The following PDE4D variants were observed in gnomAD, a reference collection of about 807,000 sequenced individuals.
PDE4D encodes phosphodiesterase 4D.
A neutral mutation model predicts 87.4 loss-of-function variants in PDE4D; 24 were observed. That is an observed-to-expected ratio of 0.27 (90% CI 0.20 to 0.39). The LOEUF (loss-of-function observed/expected upper bound fraction) is 0.39, where lower values mean the gene tolerates loss of function less well. Among genes scored for constraint, PDE4D ranks in the 10% least tolerant of loss-of-function variants. PDE4D has a pLI of 1.00. For missense variants in PDE4D, 714 were observed against 1,041.0 expected, an observed-to-expected ratio of 0.69 and a Z score of 4.32; for synonymous variants, 384 against 383.2, an observed-to-expected ratio of 1.00 and a Z score of -0.02.
intron 1 of PDE4D, among the ~76,000 whole-genome samples, chr5:59,798,496 G>A (rs1049624962): frequency 1.3e-5 from 2 of 152,032 alleles, no homozygotes; most frequent in African/African-American, 4.8e-5. Context: ...CAGGAGAGAC[G>A]TAAAGCACTA....
chr5:59,588,585 G>A (rs1042254405), intron 1 of PDE4D, among the ~76,000 whole-genome samples: 1 of 152,134 alleles, frequency 6.6e-6, no homozygotes, highest in Non-Finnish European at 1.5e-5. Flanking sequence ...AGATTGGGTG[G>A]AGGGCATGTC....
intron 1 of PDE4D, among the ~76,000 whole-genome samples, chr5:60,281,813 C>G (rs1262781212): frequency 6.6e-6 from 1 of 151,984 alleles, no homozygotes; most frequent in African/African-American, 2.4e-5. Flanking sequence ...CTGAGGCAGG[C>G]AGATGGCTTG....
At chr5:60,368,250 C>A (rs1243506594) in intron 1 of PDE4D, among the ~76,000 whole-genome samples, 2 of 152,210 alleles carry the variant, frequency 1.3e-5, no homozygotes, top group African/African-American at 4.8e-5. Flanking sequence ...AACGATGTGG[C>A]TTCACATTCC....
At chr5:59,038,255 GC>G (rs1353173256) in intron 6 of PDE4D, among the ~76,000 whole-genome samples, 3 of 152,150 alleles carry the variant, frequency 2.0e-5, no homozygotes, top group Non-Finnish European at 4.4e-5. Context: ...CCTAGTTGAA[GC>G]CTCCTTGTAC....
chr5:59,724,106 T>G (rs1013304162), intron 1 of PDE4D, among the ~76,000 whole-genome samples: 1 of 152,098 alleles, frequency 6.6e-6, no homozygotes, highest in Admixed American at 6.6e-5. Flanking sequence ...TAGGACCTAT[T>G]TGAAGACTCT....
chr5:60,516,232 A>G (rs1315944420), intron 1 of PDE4D, among the ~76,000 whole-genome samples: 1 of 152,250 alleles, frequency 6.6e-6, no homozygotes, highest in Non-Finnish European at 1.5e-5. Flanking sequence ...TGAGAACAAC[A>G]ATGTAATGAA....
intron 1 of PDE4D, among the ~76,000 whole-genome samples, chr5:59,291,617 G>A (rs915789914): frequency 6.6e-6 from 1 of 151,810 alleles, no homozygotes; most frequent in Non-Finnish European, 1.5e-5. Context: ...AAATGCTTGA[G>A]GTGATGCATA....
At chr5:59,767,307 GATGTA>G (rs957930321) in intron 1 of PDE4D, among the ~76,000 whole-genome samples, 11 of 151,932 alleles carry the variant, frequency 7.2e-5, no homozygotes, top group African/African-American at 2.2e-4. Flanking sequence ...TCAAAATGTA[GATGTA>G]ATGTATAGAA....
chr5:59,550,021 T>C, intron 1 of PDE4D, among the ~76,000 whole-genome samples: 1 of 151,868 alleles, frequency 6.6e-6, no homozygotes, highest in East Asian at 1.9e-4. Flanking sequence ...TTGCTAGGGG[T>C]AATCTATGTG....
At chr5:59,252,085 C>G (rs1267226452) in intron 1 of PDE4D, among the ~76,000 whole-genome samples, 1 of 151,960 alleles carries the variant, frequency 6.6e-6, no homozygotes, top group African/African-American at 2.4e-5. Flanking sequence ...GGGCTTAATA[C>G]CCGGGTGATG....
At chr5:60,333,713 G>A (rs1757500834) in intron 1 of PDE4D, among the ~76,000 whole-genome samples, 1 of 152,146 alleles carries the variant, frequency 6.6e-6, no homozygotes, top group Admixed American at 6.5e-5. Flanking sequence ...CATGCATTAT[G>A]TGTGAGCTGC....
chr5:59,915,584 CCTTT>C (rs1488991055), intron 3 of PDE4D, among the ~76,000 whole-genome samples: 1 of 152,112 alleles, frequency 6.6e-6, no homozygotes, highest in Non-Finnish European at 1.5e-5. Flanking sequence ...TCATTTGTAT[CCTTT>C]CTAAGTTGCA....
chr5:60,122,268 C>T (rs1778754561), intron 2 of PDE4D, among the ~76,000 whole-genome samples: 2 of 152,186 alleles, frequency 1.3e-5, no homozygotes, highest in Admixed American at 1.3e-4. Flanking sequence ...TCTCATAGCT[C>T]CACTAGGCAG....
chr5:59,535,317 T>C (rs1201906227), intron 1 of PDE4D, among the ~76,000 whole-genome samples: 6 of 152,198 alleles, frequency 3.9e-5, no homozygotes. Flanking sequence ...TCTGGGTGTC[T>C]GGCCCAGGCA....
At chr5:59,738,249 A>G (rs527275915) in intron 1 of PDE4D, among the ~76,000 whole-genome samples, 15 of 152,314 alleles carry the variant, frequency 9.8e-5, no homozygotes, top group Admixed American at 9.8e-4. Flanking sequence ...ATAAGCTGAC[A>G]TATTTGTACC....
intron 1 of PDE4D, among the ~76,000 whole-genome samples, chr5:59,736,788 C>T (rs1309324243): frequency 6.6e-6 from 1 of 152,050 alleles, no homozygotes; most frequent in Non-Finnish European, 1.5e-5. Flanking sequence ...TAAAGATGTT[C>T]ACAGCAGCAT....
intron 1 of PDE4D, among the ~76,000 whole-genome samples, chr5:59,492,558 C>G (rs1031594529): frequency 1.3e-5 from 2 of 152,262 alleles, no homozygotes; most frequent in East Asian, 3.9e-4. Context: ...AGATTAAACC[C>G]TCAAATTAGT....
chr5:60,055,138 G>A (rs539788824), intron 2 of PDE4D, among the ~76,000 whole-genome samples: 13 of 152,128 alleles, frequency 8.5e-5, no homozygotes, highest in Non-Finnish European at 1.5e-4. Context: ...TGGCAGCTCC[G>A]AGAGACCAGG....
At chr5:59,394,425 C>G (rs525099) in intron 1 of PDE4D, among the ~76,000 whole-genome samples, 2 of 151,894 alleles carry the variant, frequency 1.3e-5, no homozygotes, top group South Asian at 4.2e-4. Context: ...CCAAGATGTT[C>G]TGACAGCCTG....
Sources: gnomAD v4.1 joint callset for allele counts (sites outside exome capture counted in the v4.1 genomes callset) on GRCh38, gnomAD v4.1.1 for gene constraint, MANE v1.5 for transcripts, NCBI Gene and HGNC (gene_info 2026-07-23, HGNC 2026-07-21) for gene names.